Variants in CECR2 observed in about 807,000 individuals in gnomAD.
CECR2 encodes chromatin remodeling regulator CECR2.
Under a neutral mutation model 154.5 loss-of-function variants are expected in CECR2, and 30 were observed. The observed-to-expected ratio is 0.19, with a 90% confidence interval of 0.15 to 0.26. The LOEUF is 0.26. CECR2 is among the 10% of genes least tolerant of loss of function. The pLI is 1.00. For missense variants in CECR2, 1,743 were observed against 1,829.3 expected (o/e 0.95, Z 0.86); for synonymous variants, 725 against 683.7 (o/e 1.06, Z -0.94).
intron 9 of CECR2, among the ~76,000 whole-genome samples, chr22:17,529,493 G>T (rs1166336618): frequency 6.6e-6 from 1 of 152,180 alleles, no homozygotes; most frequent in Non-Finnish European, 1.5e-5. Context: ...GAGGTCAGGA[G>T]ATCAAGACCA....
chr22:17,422,518 C>T (rs923659995), intron 1 of CECR2, among the ~76,000 whole-genome samples: 9 of 152,114 alleles, frequency 5.9e-5, no homozygotes, highest in African/African-American at 1.7e-4. Flanking sequence ...ATTTATTGTG[C>T]TTGGTGTTCT....
chr22:17,514,185 C>T (rs761047257), intron 8 of CECR2, among the ~76,000 whole-genome samples: 6 of 152,170 alleles, frequency 3.9e-5, no homozygotes, highest in African/African-American at 9.6e-5. Flanking sequence ...GAGACTGTCT[C>T]GCTGAACTCA....
In CECR2 at chr22:17,553,047, C is replaced by A; in HGVS notation, c.*207C>A. The A allele has an allele frequency of 1.6e-6, 2 of 1,216,258 alleles. No homozygotes were observed. The highest frequency in any genetic ancestry group is 2.1e-6 in the Non-Finnish European group (2 of 938,886). 75.3% of individuals were successfully genotyped at this position (1,216,258 alleles called of 1,614,324 possible). A position where few individuals can be genotyped will look rare whatever the true frequency, so the allele number is the denominator to read the frequency against. On this transcript the variant is annotated 3_prime_UTR_variant, in exon 19 of 19. Coordinates refer to ENST00000262608, the MANE Select transcript of CECR2 (RefSeq NM_001290047.2). ...CTGACACACAGATTGCAAAGGTCCT[C>A]GGCCAGGGATCTCTTGCACAGCTGA...
rs1491166897 is a variant in CECR2, at chr22:17,549,783, G to GTTTTTTTT, written c.4277+219_4277+220insTTTTTTTT. 1.4e-4 allele frequency among the ~76,000 whole-genome samples: 12 copies of GTTTTTTTT among 88,848 alleles called. 5 individuals carry two copies. The highest frequency in any genetic ancestry group is 8.7e-5 in the African/African-American group (2 of 22,974). The allele number at this position is 88,848 out of a possible 152,430, so 58.3% of individuals were successfully genotyped here. ...TGCCACCACACCCAGCTAACTTTTT[G>GTTTTTTTT]GTTTTTTTTTTTTTTTTTTTTTGGT... On this transcript the variant is annotated intron_variant, in intron 17 of 18. Coordinates refer to ENST00000262608, the MANE Select transcript of CECR2 (RefSeq NM_001290047.2).
chr22:17,428,109 G>A (rs1471445770), intron 1 of CECR2, among the ~76,000 whole-genome samples: 2 of 152,160 alleles, frequency 1.3e-5, no homozygotes, highest in African/African-American at 2.4e-5. Context: ...GTGTCTGTAG[G>A]CTGCATAAAT....
In CECR2 at chr22:17,500,205, C is replaced by CGT. The variant is rs1569123964; in HGVS notation, c.546-426_546-425insGT. ...CAGCCTGGGCGACAGAGCGAGACTC[C>CGT]ATCAAAAAAAAAAAAAAAAAAAGAA... On this transcript the variant is annotated intron_variant, in intron 4 of 18. Coordinates refer to ENST00000262608, the MANE Select transcript of CECR2 (RefSeq NM_001290047.2). Among the ~76,000 whole-genome samples, 151 of 77,752 alleles carry CGT rather than the reference C, an allele frequency of 1.9e-3. 3 individuals carry two copies. The highest frequency in any genetic ancestry group is 7.6e-3 in the African/African-American group (144 of 18,880). The allele number at this position is 77,752 out of a possible 152,430, so 51.0% of individuals were successfully genotyped here. A position where few individuals can be genotyped will look rare whatever the true frequency, so the allele number is the denominator to read the frequency against.
chr22:17,427,024 C>T (rs904303172), intron 1 of CECR2, among the ~76,000 whole-genome samples: 4 of 151,902 alleles, frequency 2.6e-5, no homozygotes, highest in Non-Finnish European at 4.4e-5. Flanking sequence ...CCCCACCCCA[C>T]GACAGGCCCT....
chr22:17,413,970 C>T (rs1377901801), intron 1 of CECR2, among the ~76,000 whole-genome samples: 1 of 139,748 alleles, frequency 7.2e-6, no homozygotes, highest in Non-Finnish European at 1.5e-5. Flanking sequence ...AACCACCGCG[C>T]CCGGCCTATT....
intron 1 of CECR2, among the ~76,000 whole-genome samples, chr22:17,450,889 A>G (rs1305361739): frequency 6.6e-6 from 1 of 152,070 alleles, no homozygotes; most frequent in Non-Finnish European, 1.5e-5. Flanking sequence ...CCCTGCTGCT[A>G]CTCTAGTCCA....
chr22:17,407,787 T>C (rs989418404), intron 1 of CECR2, among the ~76,000 whole-genome samples: 3 of 151,712 alleles, frequency 2.0e-5, no homozygotes, highest in African/African-American at 7.3e-5. Flanking sequence ...GGAAGAGGGG[T>C]GTGGGTAGAG....
chr22:17,546,485 C>CAA (rs35754406), intron 16 of CECR2, among the ~76,000 whole-genome samples: 3,614 of 67,232 alleles, frequency 0.054, 211 homozygotes, highest in African/African-American at 0.13. Flanking sequence ...GACTCTGTCT[C>CAA]AAAAAAAAAA....
chr22:17,412,285 A>G (rs966362676), intron 1 of CECR2, among the ~76,000 whole-genome samples: 8 of 152,168 alleles, frequency 5.3e-5, no homozygotes, highest in South Asian at 2.1e-4. Flanking sequence ...AAATACAGTA[A>G]TAGAAGTTGT....
intron 1 of CECR2, among the ~76,000 whole-genome samples, chr22:17,412,265 C>T (rs1471813878): frequency 2.0e-5 from 3 of 152,148 alleles, no homozygotes; most frequent in Non-Finnish European, 2.9e-5. Context: ...TTTGTTGAGT[C>T]TGGTTCGCAA....
chr22:17,522,678 T>C (rs1412527533), intron 8 of CECR2, among the ~76,000 whole-genome samples: 1 of 152,208 alleles, frequency 6.6e-6, no homozygotes, highest in Non-Finnish European at 1.5e-5. Flanking sequence ...GTCAGGCTCA[T>C]AGATTTTTGA....
chr22:17,393,700 G>A (rs2146512447), intron 1 of CECR2, among the ~76,000 whole-genome samples: 1 of 152,230 alleles, frequency 6.6e-6, no homozygotes, highest in East Asian at 1.9e-4. Context: ...ATCCTAGTTG[G>A]TGTGAAGTGG....
At chr22:17,458,266 T>C (rs778313655) in intron 1 of CECR2, among the ~76,000 whole-genome samples, 1 of 151,990 alleles carries the variant, frequency 6.6e-6, no homozygotes, top group Non-Finnish European at 1.5e-5. Flanking sequence ...AATACAAAAA[T>C]TAGCCAGGTG....
At position 17,548,320 on chromosome 22, in the gene CECR2, A is replaced by T; in HGVS notation, c.3033A>T (p.Glu1011Asp). ...CGGAGCTCAAAAGCAGCTCCTCCGA[A>T]TCTGCGGACAACTGTAAAGCAATGA... ...VGPELKSSSS[E>D]SADNCKAMKG... Residue 1011 changes from glutamate to aspartate, a missense_variant, in exon 17 of 19, where the codon GAA becomes GAT. Around this residue, in one of 4 missense-constraint regions of CECR2, gnomAD observed 1,250 missense variants for 1,192.1 expected, o/e 1.05. Coordinates refer to ENST00000262608, the MANE Select transcript of CECR2 (RefSeq NM_001290047.2). 2.5e-6 allele frequency: 4 copies of T among 1,611,324 alleles called. No homozygotes were observed. The highest frequency in any genetic ancestry group is 3.4e-6 in the Non-Finnish European group (4 of 1,178,740).
intron 10 of CECR2, 100 bp downstream of exon 10, chr22:17,537,332 G>A: frequency 2.2e-6 from 3 of 1,387,694 alleles, no homozygotes; most frequent in Admixed American, 3.7e-5. Context: ...GCCCTGTTGG[G>A]TAACATGGTC....
In CECR2 at chr22:17,504,851, C is replaced by T; in HGVS notation, c.705C>T (p.Ser235=). The T allele has an allele frequency of 6.2e-7, 1 of 1,612,826 alleles. No individual in the cohort carries two copies. Among genetic ancestry groups the T allele is most frequent in the South Asian group, 1.1e-5 (1 of 91,042 alleles). Residue 235 remains serine (S), a synonymous_variant, in exon 7 of 19, where the codon TCC becomes TCT. Transcript: ENST00000262608. ...ATCCGTTCCTTTATTTTCTAGGGTCCCAAGGGCCAGGCCAAGGTACTTGGT... is the reference window on the plus strand; with the variant it reads ...ATCCGTTCCTTTATTTTCTAGGGTCTCAAGGGCCAGGCCAAGGTACTTGGT... ...LASEPQTRHG[S]QGPGQGTWWL...
Sources: allele counts gnomAD v4.1 joint callset (sites outside exome capture counted in the v4.1 genomes callset), GRCh38; gene constraint gnomAD v4.1.1; regional missense constraint gnomAD v4.1.1; transcripts MANE v1.5; gene names NCBI Gene and HGNC (gene_info 2026-07-23, HGNC 2026-07-21).